The following CMIP variants were observed in gnomAD, a reference collection of about 807,000 sequenced individuals.
CMIP encodes the protein C-Maf-inducing protein.
In CMIP, 13 loss-of-function variants were observed where a neutral mutation model predicts 97.3. That is an observed-to-expected ratio of 0.13 (90% CI 0.09 to 0.21). The LOEUF is 0.21. CMIP is among the 10% of genes least tolerant of loss of function. The pLI is 1.00. For synonymous variants in CMIP, 538 were observed against 436.3 expected (o/e 1.23, Z -2.91); for missense variants, 847 against 1,024.9 (o/e 0.83, Z 2.37).
At chr16:81,511,970 G>A (rs1431366265) in intron 1 of CMIP, among the ~76,000 whole-genome samples, 2 of 152,010 alleles carry the variant, frequency 1.3e-5, no homozygotes, top group East Asian at 1.9e-4. Context: ...AGTGTAAAAC[G>A]CACACTGGAT....
intron 1 of CMIP, chr16:81,476,547 G>A (rs773364336): frequency 1.4e-4 from 87 of 607,632 alleles, no homozygotes; most frequent in Admixed American, 2.1e-4. Flanking sequence ...TCCCGACGGC[G>A]CCGGTGTCTG....
Position 81,640,770 on chromosome 16 carries a change from G to GTGTGTGTGTCTC in CMIP, c.478-11432_478-11431insGTGTGTGTCTCT, listed in dbSNP as rs376370488. ...TGTGTGTGTGTGTGTGTGTGTGTGT[G>GTGTGTGTGTCTC]TCTCTCTCTCTCTCCACATGGCCTT... On this transcript the variant is annotated intron_variant, in intron 3 of 20. Transcript: ENST00000537098. Among the ~76,000 whole-genome samples, 1,141 of 135,682 alleles carry GTGTGTGTGTCTC rather than the reference G, an allele frequency of 8.4e-3. 9 individuals carry two copies. The highest frequency in any genetic ancestry group is 0.016 in the Middle Eastern group (4 of 256). The allele number at this position is 135,682 out of a possible 152,430, so 89.0% of individuals were successfully genotyped here.
chr16:81,521,688 G>C (rs1407254531), intron 1 of CMIP, among the ~76,000 whole-genome samples: 1 of 152,204 alleles, frequency 6.6e-6, no homozygotes, highest in Non-Finnish European at 1.5e-5. Flanking sequence ...TTTGTAGACA[G>C]ATGTGGGATG....
chr16:81,636,757 C>G (rs1054181726), intron 3 of CMIP, among the ~76,000 whole-genome samples: 1 of 152,044 alleles, frequency 6.6e-6, no homozygotes, highest in Non-Finnish European at 1.5e-5. Context: ...TGAAACATTG[C>G]AGATAAAGCT....
chr16:81,630,519 C>T (rs1021267810), intron 3 of CMIP: 4 of 152,212 alleles, frequency 2.6e-5, no homozygotes, highest in African/African-American at 4.8e-5. Flanking sequence ...TCCTGGAGGC[C>T]GGGTCAGTGC....
chr16:81,527,618 C>T (rs552493714), intron 1 of CMIP, among the ~76,000 whole-genome samples: 15 of 152,274 alleles, frequency 9.9e-5, no homozygotes, highest in Admixed American at 4.6e-4. Flanking sequence ...CCTCCTCCCC[C>T]GCGATAACTC....
intron 2 of CMIP, among the ~76,000 whole-genome samples, chr16:81,607,921 CT>C (rs2091771665): frequency 6.6e-6 from 1 of 152,212 alleles, no homozygotes; most frequent in Non-Finnish European, 1.5e-5. Flanking sequence ...AGTCTAGGAA[CT>C]TTTCAGGTTG....
chr16:81,553,899 C>T (rs774039256), intron 1 of CMIP, among the ~76,000 whole-genome samples: 9 of 152,206 alleles, frequency 5.9e-5, no homozygotes, highest in East Asian at 1.9e-4. Context: ...TTTTATATTA[C>T]GTGTCCACAT....
At chr16:81,525,937 A>G (rs770800250) in intron 1 of CMIP, among the ~76,000 whole-genome samples, 1 of 152,052 alleles carries the variant, frequency 6.6e-6, no homozygotes, top group Non-Finnish European at 1.5e-5. Flanking sequence ...TGTAGCATGT[A>G]TCAGAATCCT....
chr16:81,600,054 G>A (rs532914390), intron 1 of CMIP, among the ~76,000 whole-genome samples: 1 of 152,138 alleles, frequency 6.6e-6, no homozygotes, highest in African/African-American at 2.4e-5. Flanking sequence ...GCAGAGGTGG[G>A]TGGATCACAA....
intron 1 of CMIP, among the ~76,000 whole-genome samples, chr16:81,478,334 C>A (rs1031715147): frequency 2.0e-5 from 3 of 152,134 alleles, no homozygotes; most frequent in Admixed American, 1.3e-4. Flanking sequence ...AACAGGGAGC[C>A]GACAGTTCTG....
intron 1 of CMIP, among the ~76,000 whole-genome samples, chr16:81,572,051 C>T (rs570690458): frequency 6.6e-6 from 1 of 152,368 alleles, no homozygotes; most frequent in Admixed American, 6.5e-5. Flanking sequence ...GACCCTGGCA[C>T]CAGCCCAGGG....
chr16:81,628,084 C>T (rs2150969894), intron 3 of CMIP, among the ~76,000 whole-genome samples: 1 of 152,282 alleles, frequency 6.6e-6, no homozygotes, highest in African/African-American at 2.4e-5. Flanking sequence ...CCCCTGACCC[C>T]TCACTGAGGG....
At chr16:81,468,838 C>T (rs188401905) in intron 1 of CMIP, among the ~76,000 whole-genome samples, 48 of 152,314 alleles carry the variant, frequency 3.2e-4, no homozygotes, top group Admixed American at 3.1e-3. Flanking sequence ...TCCGAGGGGC[C>T]TGGTGAGGCC....
intron 10 of CMIP, among the ~76,000 whole-genome samples, chr16:81,686,655 T>G (rs1905423832): frequency 6.6e-6 from 1 of 152,122 alleles, no homozygotes; most frequent in African/African-American, 2.4e-5. Flanking sequence ...TTCCAGGGTA[T>G]GATTGGGGTT....
In CMIP at chr16:81,488,818, G is replaced by A. The variant is rs575253239; in HGVS notation, c.300+43277G>A. Among the ~76,000 whole-genome samples the A allele has an allele frequency of 7.2e-5, 11 of 152,258 alleles. No individual in the cohort carries two copies. The South Asian group carries it at 2.1e-3, about 29-fold the overall frequency. ...CAGTGTGATCTGGAAGACGGGGAGA[G>A]AATAATCTCTGGCAGAGCGATGTAG... On this transcript the variant is annotated intron_variant, in intron 1 of 20. Coordinates refer to ENST00000537098, the MANE Select transcript of CMIP (RefSeq NM_198390.3).
chr16:81,645,494 T>A (rs761412590), intron 3 of CMIP: 34 of 1,534,800 alleles, frequency 2.2e-5, no homozygotes, highest in Non-Finnish European at 2.9e-5. Flanking sequence ...TGACGACTTG[T>A]CTCCCGTGGA....
intron 1 of CMIP, among the ~76,000 whole-genome samples, chr16:81,496,595 G>C (rs866818226): frequency 6.6e-6 from 1 of 152,214 alleles, no homozygotes; most frequent in East Asian, 1.9e-4. Context: ...GTGGGGTGCG[G>C]GAGAGCTCAG....
At chr16:81,472,213 T>C (rs868044840) in intron 1 of CMIP, among the ~76,000 whole-genome samples, 6 of 152,340 alleles carry the variant, frequency 3.9e-5, no homozygotes, top group Middle Eastern at 3.4e-3. Context: ...TTTGGGCAAG[T>C]TGTGTGACGT....
Sources: allele counts gnomAD v4.1 joint callset (sites outside exome capture counted in the v4.1 genomes callset), GRCh38; gene constraint gnomAD v4.1.1; transcripts MANE v1.5; gene names NCBI Gene and HGNC (gene_info 2026-07-23, HGNC 2026-07-21).